The following PTPN22 variants were observed in gnomAD, a reference collection of about 807,000 sequenced individuals.
PTPN22 encodes the protein protein tyrosine phosphatase non-receptor type 22.
PTPN22 carries 85 observed loss-of-function variants against 103.3 expected under a neutral mutation model. That is an observed-to-expected ratio of 0.82 (90% CI 0.69 to 0.99). PTPN22 has a LOEUF of 0.99. PTPN22 is among the 50% of genes least tolerant of loss of function. The pLI is 0.00. For synonymous variants in PTPN22, 323 were observed against 310.2 expected (o/e 1.04, Z -0.43); for missense variants, 865 against 936.9 (o/e 0.92, Z 1.00).
chr1:113,830,522 T>C (rs897735091), intron 16 of PTPN22, among the ~76,000 whole-genome samples: 2 of 152,130 alleles, frequency 1.3e-5, no homozygotes, highest in African/African-American at 4.8e-5. Flanking sequence ...AAAAGACAGA[T>C]TTAAGAAGAC....
exon 21 of PTPN22, chr1:113,814,496 G>GT (rs908415118): frequency 1.8e-3 from 283 of 157,970 alleles, no homozygotes; most frequent in South Asian, 6.0e-3. Flanking sequence ...CACAAAGTAA[G>GT]TTTTTTTTTT....
chr1:113,834,373 A>G, exon 15 of PTPN22: 2 of 1,613,842 alleles, frequency 1.2e-6, no homozygotes, highest in Non-Finnish European at 1.7e-6. Flanking sequence ...ACCCCATTCC[A>G]GTGATGTTCC....
chr1:113,816,333 G>A (rs924469275), intron 20 of PTPN22, among the ~76,000 whole-genome samples: 3 of 151,522 alleles, frequency 2.0e-5, no homozygotes, highest in African/African-American at 2.4e-5. Context: ...AAAATTAGCC[G>A]GGCATGGTGG....
chr1:113,825,655 C>A (rs1661987523), intron 18 of PTPN22, among the ~76,000 whole-genome samples: 1 of 152,276 alleles, frequency 6.6e-6, no homozygotes, highest in East Asian at 1.9e-4. Flanking sequence ...CACTGCATTC[C>A]AGCCTGGGCG....
intron 19 of PTPN22, among the ~76,000 whole-genome samples, chr1:113,821,214 GT>G (rs746145971): frequency 6.6e-6 from 1 of 151,734 alleles, no homozygotes; most frequent in Non-Finnish European, 1.5e-5. Context: ...GGAGAATATT[GT>G]TTTTTTTACA....
At chr1:113,837,643 A>G (rs755189828) in exon 13 of PTPN22, 15 of 1,603,666 alleles carry the variant, frequency 9.4e-6, no homozygotes, top group African/African-American at 1.3e-5. Context: ...TGGAGAATTC[A>G]GTGATAAAGA....
At chr1:113,864,395 A>T in intron 1 of PTPN22, 1 of 210,308 alleles carries the variant, frequency 4.8e-6, no homozygotes, top group South Asian at 3.8e-5. Flanking sequence ...GTCTCCAGAA[A>T]AAAAAAAAAA....
At chr1:113,869,398 A>ATTT (rs35623739) in intron 1 of PTPN22, among the ~76,000 whole-genome samples, 2 of 148,524 alleles carry the variant, frequency 1.3e-5, no homozygotes, top group African/African-American at 2.5e-5. Flanking sequence ...TATAGTCTAC[A>ATTT]TTTTTTTTTT....
chr1:113,825,133 C>T lies in PTPN22; in HGVS notation c.2281+9G>A, dbSNP rs1196763354. On this transcript the variant is annotated intron_variant, in intron 19 of 20. Coordinates refer to ENST00000359785, the Ensembl canonical transcript of PTPN22. ...AAAACGATATTTTTAAACATAAGTACCAACTTACTCTTTTTCATGTTTCGC... is the reference window on the plus strand; with the variant it reads ...AAAACGATATTTTTAAACATAAGTATCAACTTACTCTTTTTCATGTTTCGC... 7 of 1,486,154 alleles carry T rather than the reference C, an allele frequency of 4.7e-6. No individual in the cohort carries two copies. Among genetic ancestry groups the T allele is most frequent in the Non-Finnish European group, 6.5e-6 (7 of 1,084,558 alleles). 92.1% of individuals were successfully genotyped at this position (1,486,154 alleles called of 1,614,324 possible). A position where few individuals can be genotyped will look rare whatever the true frequency, so the allele number is the denominator to read the frequency against.
In PTPN22 at chr1:113,856,363, A is replaced by G. The variant is rs1665071576; in HGVS notation, c.540+19T>C. The G allele has an allele frequency of 9.1e-6, 14 of 1,546,020 alleles. No homozygotes were observed. The highest frequency in any genetic ancestry group is 1.4e-5 in the African/African-American group (1 of 72,350). ...ATCTCTATAGGCTTTTGAGTTTATCATTCTTATTTTATACTTACACTATTG... is the reference window on the plus strand; with the variant it reads ...ATCTCTATAGGCTTTTGAGTTTATCGTTCTTATTTTATACTTACACTATTG... On this transcript the variant is annotated intron_variant, in intron 7 of 20. Transcript: ENST00000359785.
intron 1 of PTPN22, 65 bp from the exon 2 acceptor site, chr1:113,859,525 G>A (rs1432791965): frequency 4.5e-6 from 6 of 1,328,752 alleles, no homozygotes; most frequent in Non-Finnish European, 6.4e-6. Context: ...TATCTCTAAA[G>A]AGCTTTCCTT....
At chr1:113,844,984 G>A (rs968700153) in intron 11 of PTPN22, among the ~76,000 whole-genome samples, 1 of 151,802 alleles carries the variant, frequency 6.6e-6, no homozygotes, top group Non-Finnish European at 1.5e-5. Context: ...ACACCTGGCT[G>A]AGTTTTTAAT....
At chr1:113,859,228 A>G in intron 2 of PTPN22, 124 bp downstream of exon 2, 4 of 1,551,392 alleles carry the variant, frequency 2.6e-6, no homozygotes, top group Non-Finnish European at 3.5e-6. Flanking sequence ...GCAGTCATAA[A>G]TAGTACAAAC....
At chr1:113,837,840 A>T (rs2101968658) in exon 13 of PTPN22, 1 of 1,613,852 alleles carries the variant, frequency 6.2e-7, no homozygotes, top group Non-Finnish European at 8.5e-7. Flanking sequence ...CAAGAGCACT[A>T]GAGTCATGGT....
At chr1:113,845,010 G>T (rs923840053) in intron 11 of PTPN22, among the ~76,000 whole-genome samples, 2 of 151,850 alleles carry the variant, frequency 1.3e-5, no homozygotes, top group African/African-American at 4.8e-5. Flanking sequence ...TAGAGACGGG[G>T]GTCCCCCTGT....
chr1:113,826,921 G>T (rs1233344912), intron 18 of PTPN22, among the ~76,000 whole-genome samples: 1 of 151,662 alleles, frequency 6.6e-6, no homozygotes, highest in Non-Finnish European at 1.5e-5. Flanking sequence ...CGCCCGCCTC[G>T]GCCTCCCAAA....
chr1:113,817,042 T>A (rs1308321151), intron 20 of PTPN22, among the ~76,000 whole-genome samples: 3 of 151,846 alleles, frequency 2.0e-5, no homozygotes, highest in African/African-American at 4.8e-5. Context: ...TAAAAAAAAA[T>A]TGGTGGAGGG....
intron 19 of PTPN22, among the ~76,000 whole-genome samples, chr1:113,820,813 G>A (rs2101878878): frequency 6.6e-6 from 1 of 152,026 alleles, no homozygotes; most frequent in East Asian, 1.9e-4. Flanking sequence ...TGCATATTAG[G>A]TATGCATATT....
chr1:113,840,182 G>A (rs1182500655), intron 11 of PTPN22, among the ~76,000 whole-genome samples: 1 of 148,778 alleles, frequency 6.7e-6, no homozygotes, highest in Non-Finnish European at 1.5e-5. Flanking sequence ...CTGCATTCCA[G>A]CCTGGGCGAC....
Sources: gnomAD v4.1 joint callset for allele counts (sites outside exome capture counted in the v4.1 genomes callset) on GRCh38, gnomAD v4.1.1 for gene constraint, MANE v1.5 for transcripts, NCBI Gene and HGNC (gene_info 2026-07-23, HGNC 2026-07-21) for gene names.